The following EPHB1 variants were observed in gnomAD, a reference collection of about 807,000 sequenced individuals.
EPHB1 encodes the protein EPH receptor B1.
A neutral mutation model predicts 94.4 loss-of-function variants in EPHB1; 30 were observed. The ratio of observed to expected loss-of-function variants is 0.32; its 90% CI spans 0.24 to 0.43. The LOEUF (loss-of-function observed/expected upper bound fraction) is 0.43. EPHB1 is among the 20% of genes least tolerant of loss of function. The pLI is 1.00. For synonymous variants in EPHB1, 522 were observed against 489.1 expected (o/e 1.07, Z -0.89); for missense variants, 1,055 against 1,308.3 (o/e 0.81, Z 2.99).
chr3:134,851,304 T>C (rs1484864965), intron 1 of EPHB1, among the ~76,000 whole-genome samples: 1 of 152,234 alleles, frequency 6.6e-6, no homozygotes, highest in Non-Finnish European at 1.5e-5. Flanking sequence ...AGGCCTCCTT[T>C]GGGGTCTTAC....
At chr3:135,027,529 G>A (rs1100564) in intron 3 of EPHB1, among the ~76,000 whole-genome samples, 1,528 of 147,664 alleles carry the variant, frequency 0.01, 22 homozygotes, top group African/African-American at 0.034. Flanking sequence ...ATTGATTTGC[G>A]TATATTGAAC....
chr3:135,191,672 C>A (rs1411339034), intron 10 of EPHB1, among the ~76,000 whole-genome samples: 1 of 151,006 alleles, frequency 6.6e-6, no homozygotes, highest in Admixed American at 6.6e-5. Context: ...GAAATAATGT[C>A]ACCATAATTG....
intron 6 of EPHB1, among the ~76,000 whole-genome samples, chr3:135,159,195 TA>T (rs913755881): frequency 2.6e-5 from 4 of 151,854 alleles, no homozygotes; most frequent in Non-Finnish European, 5.9e-5. Context: ...CCAATAATAA[TA>T]AAAAAAAGCA....
At position 135,183,880 on chromosome 3, in the gene EPHB1, T is replaced by C. The variant is rs1421822256; in HGVS notation, c.1882+3898T>C. Among the ~76,000 whole-genome samples, 5 of 152,126 alleles carry C rather than the reference T, an allele frequency of 3.3e-5. No homozygotes were observed. The East Asian group carries it at 7.7e-4, about 24-fold the overall frequency. ...TATATGAATTTTATCCCATAGAAAA[T>C]AGGTTTCATAGCAGGGTGGGTGAAA... On this transcript the variant is annotated intron_variant, in intron 10 of 15. Coordinates refer to ENST00000398015, the MANE Select transcript of EPHB1 (RefSeq NM_004441.5).
intron 1 of EPHB1, among the ~76,000 whole-genome samples, chr3:134,852,142 C>T (rs2036998892): frequency 6.6e-6 from 1 of 152,174 alleles, no homozygotes; most frequent in East Asian, 1.9e-4. Flanking sequence ...CAGGAGAGTC[C>T]ATGGCCATCT....
chr3:134,847,429 T>A (rs1358312748), intron 1 of EPHB1, among the ~76,000 whole-genome samples: 1 of 152,252 alleles, frequency 6.6e-6, no homozygotes, highest in Non-Finnish European at 1.5e-5. Flanking sequence ...ACACTCCACC[T>A]ACTTTACCAG....
chr3:135,076,928 G>C (rs1194902831), intron 3 of EPHB1, among the ~76,000 whole-genome samples: 1 of 152,164 alleles, frequency 6.6e-6, no homozygotes, highest in South Asian at 2.1e-4. Context: ...CTAGAATTAG[G>C]GGGTAGGAGC....
chr3:134,832,785 G>A (rs2036602622), intron 1 of EPHB1, among the ~76,000 whole-genome samples: 1 of 152,162 alleles, frequency 6.6e-6, no homozygotes, highest in African/African-American at 2.4e-5. Context: ...GTAGAGAAGA[G>A]CTGATGATAT....
chr3:135,187,632 G>A lies in EPHB1; in HGVS notation c.1883-4944G>A, dbSNP rs570309331. ...TATTAATAATAGCAATACGCCCATC[G>A]ACTCCTGCCTCTCTATAAGGCTGTA... On this transcript the variant is annotated intron_variant, in intron 10 of 15. Coordinates refer to ENST00000398015, the MANE Select transcript of EPHB1 (RefSeq NM_004441.5). Among the ~76,000 whole-genome samples the A allele has an allele frequency of 3.9e-5, 6 of 152,232 alleles. No individual in the cohort carries two copies. In the East Asian group the frequency reaches 7.7e-4, roughly 20 times the overall value.
chr3:135,107,314 C>T (rs1340609706), intron 4 of EPHB1, among the ~76,000 whole-genome samples: 3 of 152,216 alleles, frequency 2.0e-5, no homozygotes, highest in African/African-American at 4.8e-5. Flanking sequence ...CAGCTACACT[C>T]TCTGGATAGG....
At chr3:135,187,175 C>T (rs1237094711) in intron 10 of EPHB1, among the ~76,000 whole-genome samples, 1 of 152,208 alleles carries the variant, frequency 6.6e-6, no homozygotes, top group Non-Finnish European at 1.5e-5. Context: ...CAATGTCAGA[C>T]ACAAAGATGT....
chr3:135,019,011 G>A (rs1040556796), intron 3 of EPHB1, among the ~76,000 whole-genome samples: 4 of 152,124 alleles, frequency 2.6e-5, no homozygotes, highest in Non-Finnish European at 4.4e-5. Flanking sequence ...GAGCATCAGG[G>A]AAGTCTGTCT....
chr3:134,847,849 A>G (rs2036904594), intron 1 of EPHB1, among the ~76,000 whole-genome samples: 1 of 152,216 alleles, frequency 6.6e-6, no homozygotes, highest in Non-Finnish European at 1.5e-5. Context: ...GTGGCTGAAG[A>G]TATCCTGTGC....
chr3:134,980,473 G>GGT (rs3067409), intron 3 of EPHB1, among the ~76,000 whole-genome samples: 95,770 of 151,880 alleles, frequency 0.63, 32,006 homozygotes, highest in African/African-American at 0.83. Flanking sequence ...TAATGGGAAG[G>GGT]GTGTCAAGAA....
intron 3 of EPHB1, among the ~76,000 whole-genome samples, chr3:135,020,346 C>G (rs750111246): frequency 1.6e-4 from 24 of 152,132 alleles, no homozygotes; most frequent in Admixed American, 3.3e-4. Flanking sequence ...TAGAGTTGTG[C>G]AACCATCGCC....
intron 3 of EPHB1, among the ~76,000 whole-genome samples, chr3:135,097,337 G>T (rs1200509309): frequency 1.3e-5 from 2 of 151,888 alleles, no homozygotes; most frequent in Non-Finnish European, 2.9e-5. Context: ...TCCAGGCCTG[G>T]ACTCTCTTCT....
intron 3 of EPHB1, among the ~76,000 whole-genome samples, chr3:134,994,221 T>C (rs1407430065): frequency 6.6e-6 from 1 of 152,178 alleles, no homozygotes; most frequent in Non-Finnish European, 1.5e-5. Flanking sequence ...GTCTGACACA[T>C]GGAGAATATT....
intron 13 of EPHB1, among the ~76,000 whole-genome samples, chr3:135,247,359 A>G (rs1219027231): frequency 6.6e-6 from 1 of 152,200 alleles, no homozygotes; most frequent in Non-Finnish European, 1.5e-5. Context: ...GCATATTTCC[A>G]TCTCAATAGA....
intron 13 of EPHB1, among the ~76,000 whole-genome samples, chr3:135,241,533 C>T (rs952953285): frequency 6.6e-6 from 1 of 152,220 alleles, no homozygotes; most frequent in Non-Finnish European, 1.5e-5. Context: ...AGGCCACAGT[C>T]TCCAACCCAA....
Sources: gnomAD v4.1 joint callset for allele counts (sites outside exome capture counted in the v4.1 genomes callset) on GRCh38, gnomAD v4.1.1 for gene constraint, MANE v1.5 for transcripts, NCBI Gene and HGNC (gene_info 2026-07-23, HGNC 2026-07-21) for gene names.